COL25A1: variants seen among roughly 807,000 people sequenced by gnomAD.
COL25A1 encodes the protein collagen type XXV alpha 1 chain, also known as collagen alpha-1(XXV) chain.
COL25A1 carries 103 observed loss-of-function variants against 128.4 expected under a neutral mutation model. The ratio of observed to expected loss-of-function variants is 0.80; its 90% CI spans 0.68 to 0.94. The LOEUF is 0.94. Ranked by LOEUF, COL25A1 falls within the 40% of genes least tolerant of loss-of-function variation. The pLI, the probability that COL25A1 is intolerant of heterozygous loss-of-function variation, is 0.00. For synonymous variants in COL25A1, 279 were observed against 277.2 expected (o/e 1.01, Z -0.06); for missense variants, 745 against 840.0 (o/e 0.89, Z 1.40).
At chr4:108,906,906 A>T (rs190871480) in intron 13 of COL25A1, among the ~76,000 whole-genome samples, 4 of 152,348 alleles carry the variant, frequency 2.6e-5, no homozygotes, top group Middle Eastern at 3.4e-3. Context: ...AGCCTACATG[A>T]AGATGTGAAG....
At chr4:109,110,998 C>A (rs80220144) in intron 3 of COL25A1, among the ~76,000 whole-genome samples, 1 of 152,258 alleles carries the variant, frequency 6.6e-6, no homozygotes, top group Non-Finnish European at 1.5e-5. Context: ...CAACATTTAC[C>A]CTTCAAGCAT....
intron 18 of COL25A1, among the ~76,000 whole-genome samples, chr4:108,886,763 A>G (rs1288593530): frequency 6.6e-6 from 1 of 152,062 alleles, no homozygotes; most frequent in Non-Finnish European, 1.5e-5. Flanking sequence ...AGTGTAACAT[A>G]TCTGTATAAA....
At chr4:109,046,630 A>C (rs1442537846) in intron 5 of COL25A1, among the ~76,000 whole-genome samples, 1 of 152,228 alleles carries the variant, frequency 6.6e-6, no homozygotes, top group Non-Finnish European at 1.5e-5. Flanking sequence ...GCATTAAGCA[A>C]GAGCTGAAAG....
chr4:109,063,819 A>G (rs1253126921), intron 3 of COL25A1, among the ~76,000 whole-genome samples: 1 of 152,214 alleles, frequency 6.6e-6, no homozygotes, highest in Non-Finnish European at 1.5e-5. Flanking sequence ...CAGGAGAAAA[A>G]GTTAAGAAAT....
chr4:108,967,183 C>A (rs1299926040), intron 8 of COL25A1, among the ~76,000 whole-genome samples: 1 of 152,130 alleles, frequency 6.6e-6, no homozygotes, highest in African/African-American at 2.4e-5. Flanking sequence ...GTAAGTATTT[C>A]ATAGGGTTGT....
intron 3 of COL25A1, among the ~76,000 whole-genome samples, chr4:109,223,743 C>T (rs56946607): frequency 0.087 from 13,184 of 151,964 alleles, 1,191 homozygotes; most frequent in African/African-American, 0.23. Flanking sequence ...AATAATCAGC[C>T]GATTATTTAA....
At chr4:109,176,013 C>A (rs765100913) in intron 3 of COL25A1, among the ~76,000 whole-genome samples, 1 of 152,156 alleles carries the variant, frequency 6.6e-6, no homozygotes, top group African/African-American at 2.4e-5. Context: ...TCAAAAAGTT[C>A]TAATTGCCAT....
intron 35 of COL25A1, chr4:108,819,707 G>A: frequency 6.2e-6 from 3 of 483,770 alleles, no homozygotes; most frequent in East Asian, 7.0e-5. Flanking sequence ...CATGTTAAAT[G>A]AGCCCAATCA....
rs1394237171 is a variant in COL25A1 at position 109,139,826 on chromosome 4, C to G, written c.368-89647G>C. Among the ~76,000 whole-genome samples the G allele has an allele frequency of 9.5e-4, 144 of 151,764 alleles. 1 individual carries two copies. Among genetic ancestry groups the G allele is most frequent in the Middle Eastern group, 6.8e-3 (2 of 292 alleles). On this transcript the variant is annotated intron_variant, in intron 3 of 37. Coordinates refer to ENST00000399132, the MANE Select transcript of COL25A1 (RefSeq NM_198721.4). ...CTCCTAATGCTATCCCACCCCCTCC[C>G]CCCGACCCCACAACAGGCCCCGGTG...
At chr4:109,195,769 C>T (rs183060167) in intron 3 of COL25A1, among the ~76,000 whole-genome samples, 7 of 152,144 alleles carry the variant, frequency 4.6e-5, no homozygotes, top group Admixed American at 4.6e-4. Flanking sequence ...TATTTTCAAA[C>T]CCACATGCAT....
chr4:108,889,417 A>ATTTTTTTTTTT (rs34358532), intron 17 of COL25A1, among the ~76,000 whole-genome samples, 161 bp from the exon 18 acceptor site: 1 of 130,482 alleles, frequency 7.7e-6, no homozygotes, highest in Non-Finnish European at 1.6e-5. Context: ...AGACATACGG[A>ATTTTTTTTTTT]TTTTTTTTTT....
intron 3 of COL25A1, among the ~76,000 whole-genome samples, chr4:109,148,346 T>C (rs562276845): frequency 1.1e-4 from 16 of 152,190 alleles, no homozygotes; most frequent in Non-Finnish European, 2.1e-4. Flanking sequence ...TACTTACACA[T>C]AGTTTGCAAT....
intron 3 of COL25A1, among the ~76,000 whole-genome samples, chr4:109,071,921 C>T (rs1044854912): frequency 2.0e-5 from 3 of 152,134 alleles, no homozygotes; most frequent in African/African-American, 7.2e-5. Flanking sequence ...CTAGAAATAC[C>T]ATTTGACCCA....
intron 5 of COL25A1, among the ~76,000 whole-genome samples, chr4:109,018,425 T>C (rs1036336083): frequency 1.3e-5 from 2 of 152,158 alleles, no homozygotes; most frequent in African/African-American, 2.4e-5. Context: ...GGTTTCACCA[T>C]GTTCATCAGG....
At chr4:108,835,859 G>GTTTTTTTTTTTTTTTTTTTT (rs1560721327) in intron 31 of COL25A1, among the ~76,000 whole-genome samples, 3 of 89,520 alleles carry the variant, frequency 3.4e-5, no homozygotes, top group Non-Finnish European at 6.3e-5. Flanking sequence ...GCTTACATAC[G>GTTTTTTTTTTTTTTTTTTTT]TCTTTTTTTT....
chr4:109,129,888 T>C (rs552227743), intron 3 of COL25A1, among the ~76,000 whole-genome samples: 2 of 152,018 alleles, frequency 1.3e-5, no homozygotes, highest in Non-Finnish European at 2.9e-5. Flanking sequence ...AATTGGGAGA[T>C]ATACCTAATG....
chr4:109,072,596 C>T (rs1214454888), intron 3 of COL25A1, among the ~76,000 whole-genome samples: 2 of 152,184 alleles, frequency 1.3e-5, no homozygotes, highest in East Asian at 1.9e-4. Flanking sequence ...TGGTGGCTAA[C>T]AGTGATTTCA....
chr4:109,031,981 A>G (rs1758908859), intron 5 of COL25A1, among the ~76,000 whole-genome samples: 1 of 152,186 alleles, frequency 6.6e-6, no homozygotes. Flanking sequence ...TCTGCCTTAA[A>G]ATATAGGTAT....
rs954316061 is a variant in COL25A1 at position 109,219,393 on chromosome 4, T to G, written c.367+81190A>C. 2.0e-5 allele frequency among the ~76,000 whole-genome samples: 3 copies of G among 146,442 alleles called. No homozygotes were observed. The South Asian group carries it at 6.5e-4, about 32-fold the overall frequency. ...TACCAACAGTCACACAGAGAATGAG[T>G]TTTTTTTTTAAGGTACAAAGAAAGA... On this transcript the variant is annotated intron_variant, in intron 3 of 37. Coordinates refer to ENST00000399132, the MANE Select transcript of COL25A1 (RefSeq NM_198721.4).
Sources: gnomAD v4.1 joint callset for allele counts (sites outside exome capture counted in the v4.1 genomes callset) on GRCh38, gnomAD v4.1.1 for gene constraint, MANE v1.5 for transcripts, NCBI Gene and HGNC (gene_info 2026-07-23, HGNC 2026-07-21) for gene names.